Variants in RUNX1T1 observed in about 807,000 individuals in gnomAD.
The protein encoded by RUNX1T1 is protein CBFA2T1.
Under a neutral mutation model 62.8 loss-of-function variants are expected in RUNX1T1, and 4 were observed. The ratio of observed to expected loss-of-function variants is 0.06; its 90% CI spans 0.03 to 0.15. RUNX1T1 has a LOEUF of 0.15. RUNX1T1 is among the 10% of genes least tolerant of loss of function. The pLI is 1.00. For synonymous variants in RUNX1T1, 291 were observed against 286.0 expected (o/e 1.02, Z -0.18); for missense variants, 508 against 754.3 (o/e 0.67, Z 3.82).
chr8:92,089,997 T>C (rs1385827239), intron 1 of RUNX1T1, among the ~76,000 whole-genome samples: 2 of 150,868 alleles, frequency 1.3e-5, no homozygotes, highest in East Asian at 2.0e-4. Flanking sequence ...CAAAGCCTAC[T>C]TTCAGTATCA....
At chr8:92,040,628 T>A (rs1321326533) in intron 1 of RUNX1T1, among the ~76,000 whole-genome samples, 1 of 152,234 alleles carries the variant, frequency 6.6e-6, no homozygotes, top group African/African-American at 2.4e-5. Context: ...CTGGCTCTAC[T>A]GTGCTTTCAA....
Position 92,012,767 on chromosome 8 carries a change from T to A in RUNX1T1, c.388-1676A>T, listed in dbSNP as rs1401071624. On this transcript the variant is annotated intron_variant, in intron 3 of 10. Coordinates refer to ENST00000396218, the Ensembl canonical transcript of RUNX1T1. ...ATCACTCCCTCAAAAAAAAAAAAAA[T>A]CACTCTCTCAAATGGTAGTCCTGAG... is the stretch of plus-strand genomic sequence containing the variant. Among the ~76,000 whole-genome samples, 5 of 145,870 alleles carry A rather than the reference T, an allele frequency of 3.4e-5. No homozygotes were observed. In the East Asian group the frequency reaches 5.9e-4, roughly 17 times the overall value.
At chr8:92,018,246 AAC>A (rs1287238769) in intron 1 of RUNX1T1, among the ~76,000 whole-genome samples, 3 of 152,226 alleles carry the variant, frequency 2.0e-5, no homozygotes, top group African/African-American at 7.2e-5. Context: ...TTATCAAAGC[AAC>A]AGACCTTTTG....
intron 1 of RUNX1T1, among the ~76,000 whole-genome samples, chr8:92,059,664 G>A (rs1389045131): frequency 5.9e-5 from 9 of 152,186 alleles, no homozygotes; most frequent in Non-Finnish European, 1.3e-4. Flanking sequence ...TTAAAGCTAT[G>A]TGTAAGTGTT....
At chr8:92,061,241 T>C (rs1831985745) in intron 1 of RUNX1T1, among the ~76,000 whole-genome samples, 1 of 152,178 alleles carries the variant, frequency 6.6e-6, no homozygotes, top group Admixed American at 6.5e-5. Context: ...ATTTAACACG[T>C]TTATTAACAG....
At chr8:92,079,718 AC>A (rs1435742842) in intron 1 of RUNX1T1, among the ~76,000 whole-genome samples, 1 of 151,810 alleles carries the variant, frequency 6.6e-6, no homozygotes, top group Non-Finnish European at 1.5e-5. Flanking sequence ...CACATACAAG[AC>A]CCTCCATCAC....
At chr8:92,069,968 T>C (rs1438449960) in intron 2 of RUNX1T1, among the ~76,000 whole-genome samples, 1 of 152,246 alleles carries the variant, frequency 6.6e-6, no homozygotes, top group East Asian at 1.9e-4. Flanking sequence ...ATTAGTTATA[T>C]GTTTTCCCTT....
chr8:92,003,900 C>A (rs1050072299), intron 5 of RUNX1T1, among the ~76,000 whole-genome samples: 2 of 152,180 alleles, frequency 1.3e-5, no homozygotes, highest in African/African-American at 4.8e-5. Context: ...GCCTACAATA[C>A]GTCAAAAGGG....
chr8:92,069,525 T>C (rs77850845), intron 2 of RUNX1T1, among the ~76,000 whole-genome samples: 1,746 of 152,276 alleles, frequency 0.011, 29 homozygotes, highest in African/African-American at 0.04. Flanking sequence ...TATGCACACA[T>C]ACTAATCTGC....
chr8:91,962,431 T>G (rs1468720040), intron 10 of RUNX1T1, among the ~76,000 whole-genome samples: 1 of 152,206 alleles, frequency 6.6e-6, no homozygotes, highest in Non-Finnish European at 1.5e-5. Context: ...AAGTTAAAAT[T>G]TGAATGAATA....
intron 8 of RUNX1T1, 57 bp downstream of exon 9, chr8:91,986,067 A>T: frequency 1.8e-6 from 2 of 1,121,808 alleles, no homozygotes; most frequent in East Asian, 4.7e-5. Flanking sequence ...AAATGAAGTC[A>T]GCATTAACAG....
chr8:92,018,394 G>A (rs192938710), intron 1 of RUNX1T1, among the ~76,000 whole-genome samples: 3 of 152,276 alleles, frequency 2.0e-5, no homozygotes, highest in East Asian at 1.9e-4. Flanking sequence ...TTTGCACGAT[G>A]AGCTAGTCAA....
intron 1 of RUNX1T1, chr8:92,095,071 G>C: frequency 6.5e-7 from 1 of 1,535,604 alleles, no homozygotes; most frequent in Non-Finnish European, 8.7e-7. Flanking sequence ...GGGAGATAGC[G>C]TCAAGGCCAG....
intron 1 of RUNX1T1, among the ~76,000 whole-genome samples, chr8:92,059,523 T>G (rs1831570165): frequency 6.6e-6 from 1 of 152,186 alleles, no homozygotes; most frequent in African/African-American, 2.4e-5. Flanking sequence ...TGTTTTACAA[T>G]CAGCAATGCA....
intron 1 of RUNX1T1, among the ~76,000 whole-genome samples, chr8:92,045,857 G>A (rs2130255309): frequency 6.6e-6 from 1 of 152,212 alleles, no homozygotes; most frequent in East Asian, 1.9e-4. Context: ...CCTGTTTATT[G>A]TGCAGCCACT....
intron 2 of RUNX1T1, among the ~76,000 whole-genome samples, chr8:92,071,657 G>A (rs755493630): frequency 9.2e-5 from 14 of 152,152 alleles, no homozygotes; most frequent in Non-Finnish European, 1.8e-4. Flanking sequence ...TGACGCTGGC[G>A]GACAGACAGG....
At chr8:92,036,165 G>A (rs540489503) in intron 1 of RUNX1T1, among the ~76,000 whole-genome samples, 2 of 152,218 alleles carry the variant, frequency 1.3e-5, no homozygotes, top group African/African-American at 4.8e-5. Context: ...TTATAATGGC[G>A]AGAATCAAAC....
intron 1 of RUNX1T1, among the ~76,000 whole-genome samples, chr8:92,025,426 C>T (rs142103298): frequency 2.1e-3 from 317 of 152,290 alleles, no homozygotes; most frequent in African/African-American, 7.2e-3. Flanking sequence ...TGCAGTTCTC[C>T]AAATGCCCAT....
At chr8:91,991,978 C>A in intron 5 of RUNX1T1, 89 bp from the exon 7 acceptor site, 1 of 1,415,330 alleles carries the variant, frequency 7.1e-7, no homozygotes, top group Non-Finnish European at 9.7e-7. Context: ...GGAATAAAAA[C>A]AGAATATTTT....
Sources: gnomAD v4.1 joint callset for allele counts (sites outside exome capture counted in the v4.1 genomes callset) on GRCh38, gnomAD v4.1.1 for gene constraint, MANE v1.5 for transcripts, NCBI Gene and HGNC (gene_info 2026-07-23, HGNC 2026-07-21) for gene names.